The following SNTG2 variants were observed in gnomAD, a reference collection of about 807,000 sequenced individuals.
SNTG2 encodes the protein syntrophin gamma 2, also known as gamma-2-syntrophin.
A neutral mutation model predicts 70.9 loss-of-function variants in SNTG2; 74 were observed. That is an observed-to-expected ratio of 1.04 (90% confidence interval 0.86 to 1.27). The LOEUF (loss-of-function observed/expected upper bound fraction) is 1.27, where lower values mean the gene tolerates loss of function less well. SNTG2 is among the 50% of genes most tolerant of loss of function. The pLI, the probability that SNTG2 is intolerant of heterozygous loss-of-function variation, is 0.00. For missense variants in SNTG2, 717 were observed against 690.7 expected, an observed-to-expected ratio of 1.04 and a Z score of -0.43; for synonymous variants, 278 against 273.8, an observed-to-expected ratio of 1.02 and a Z score of -0.15.
intron 9 of SNTG2, among the ~76,000 whole-genome samples, chr2:1,221,442 TG>T (rs1674814549): frequency 7.0e-6 from 1 of 142,464 alleles, no homozygotes; most frequent in Non-Finnish European, 1.5e-5. Context: ...TCTCTGTCTC[TG>T]TCTCTGTCTC....
intron 1 of SNTG2, among the ~76,000 whole-genome samples, chr2:990,651 A>C (rs1427742038): frequency 6.6e-6 from 1 of 152,248 alleles, no homozygotes; most frequent in Non-Finnish European, 1.5e-5. Flanking sequence ...TATTCAGTCC[A>C]TAACAACACT....
chr2:1,230,985 G>A (rs935329648), intron 9 of SNTG2, among the ~76,000 whole-genome samples: 20 of 151,994 alleles, frequency 1.3e-4, no homozygotes, highest in African/African-American at 4.8e-4. Flanking sequence ...GGATCACTGC[G>A]AGAGGGAAAT....
At position 1,127,988 on chromosome 2, in the gene SNTG2, T is replaced by A. The variant is rs549127284; in HGVS notation, c.326-9634T>A. On this transcript the variant is annotated intron_variant, in intron 4 of 16. Coordinates refer to ENST00000308624, the MANE Select transcript of SNTG2 (RefSeq NM_018968.4). ...GTGCTCTAGCTAGGACTTCCAGTAC[T>A]ATGTTGAGTAAGAGTGGTGAGAGTG... is the stretch of plus-strand genomic sequence containing the variant. Among the ~76,000 whole-genome samples the A allele has an allele frequency of 1.3e-4, 20 of 152,290 alleles. No individual in the cohort carries two copies. The South Asian group carries it at 2.9e-3, about 22-fold the overall frequency.
intron 1 of SNTG2, chr2:1,068,226 A>C (rs144627535): frequency 6.6e-6 from 1 of 152,172 alleles, no homozygotes. Context: ...AGATCCTCAC[A>C]TAGCAGGGCG....
At chr2:1,088,567 T>A (rs1664825034) in intron 2 of SNTG2, among the ~76,000 whole-genome samples, 1 of 152,226 alleles carries the variant, frequency 6.6e-6, no homozygotes, top group African/African-American at 2.4e-5. Flanking sequence ...AAGAATTGGC[T>A]ACTGTTCCTA....
intron 16 of SNTG2, among the ~76,000 whole-genome samples, chr2:1,330,104 A>G (rs1025513806): frequency 5.9e-5 from 9 of 152,216 alleles, no homozygotes; most frequent in Non-Finnish European, 1.2e-4. Flanking sequence ...CTGTTCCGCC[A>G]TCAGGCTAGT....
intron 4 of SNTG2, among the ~76,000 whole-genome samples, chr2:1,115,904 C>T (rs754190851): frequency 2.0e-5 from 3 of 152,346 alleles, no homozygotes; most frequent in African/African-American, 4.8e-5. Flanking sequence ...AATGTTCAAG[C>T]CCCATTCTGC....
intron 1 of SNTG2, among the ~76,000 whole-genome samples, chr2:1,026,665 T>TG (rs1488392544): frequency 1.3e-5 from 2 of 152,148 alleles, no homozygotes; most frequent in East Asian, 3.9e-4. Flanking sequence ...GCCTTGTGCA[T>TG]GGAATGGAGC....
intron 16 of SNTG2, among the ~76,000 whole-genome samples, chr2:1,351,946 C>T (rs980681317): frequency 2.6e-5 from 4 of 152,282 alleles, no homozygotes; most frequent in South Asian, 2.1e-4. Flanking sequence ...CAGTCTTTCC[C>T]TCATGTCTCA....
intron 16 of SNTG2, among the ~76,000 whole-genome samples, chr2:1,333,553 A>G (rs921487331): frequency 1.3e-5 from 2 of 152,206 alleles, no homozygotes; most frequent in Non-Finnish European, 2.9e-5. Context: ...ATAGAAGGCT[A>G]TAGTCACCAA....
At position 1,297,075 on chromosome 2, in the gene SNTG2, C is replaced by A. The variant is rs372608484; in HGVS notation, c.1285-11419C>A. On this transcript the variant is annotated intron_variant, in intron 14 of 16. Transcript: ENST00000308624. ...GGCATGTCCTTTATTTTCCTCCATA[C>A]TTCCCTGAAGGAAGTAGCAGAAGTT... Among the ~76,000 whole-genome samples the A allele has an allele frequency of 5.9e-5, 9 of 152,130 alleles. 1 individual carries two copies. The highest frequency in any genetic ancestry group is 1.9e-4 in the African/African-American group (8 of 41,382).
rs1035248562 is a variant in SNTG2 at position 1,367,527 on chromosome 2, T to A, written c.*53T>A. 145 of 1,539,078 alleles carry A rather than the reference T, an allele frequency of 9.4e-5. No individual in the cohort carries two copies. The highest frequency in any genetic ancestry group is 1.2e-4 in the Non-Finnish European group (136 of 1,139,646). On this transcript the variant is annotated 3_prime_UTR_variant, in exon 17 of 17. Coordinates refer to ENST00000308624, the MANE Select transcript of SNTG2 (RefSeq NM_018968.4). ...TTAAATTATTTTCGTAAGAAATGAT[T>A]CTTTCCTGCAGAATATTGCAACTTT...
At chr2:1,127,544 G>T (rs1667776135) in intron 4 of SNTG2, among the ~76,000 whole-genome samples, 1 of 152,036 alleles carries the variant, frequency 6.6e-6, no homozygotes, top group South Asian at 2.1e-4. Context: ...TCGCTTTGGG[G>T]AGTATGTTCA....
chr2:1,285,946 G>T (rs781168495), intron 14 of SNTG2, among the ~76,000 whole-genome samples: 1 of 152,140 alleles, frequency 6.6e-6, no homozygotes, highest in Non-Finnish European at 1.5e-5. Context: ...CATTCCTTGC[G>T]TACTCTTCCT....
At chr2:1,120,685 ATAAT>A (rs1376286490) in intron 4 of SNTG2, among the ~76,000 whole-genome samples, 1 of 152,202 alleles carries the variant, frequency 6.6e-6, no homozygotes, top group African/African-American at 2.4e-5. Flanking sequence ...TGAAAAGGGG[ATAAT>A]TTATCAGGAG....
At chr2:1,073,661 G>A (rs111726030) in intron 1 of SNTG2, among the ~76,000 whole-genome samples, 107 of 152,268 alleles carry the variant, frequency 7.0e-4, no homozygotes, top group African/African-American at 2.3e-3. Flanking sequence ...ACACTACATA[G>A]GAAAGTAGTC....
intron 9 of SNTG2, among the ~76,000 whole-genome samples, chr2:1,216,396 G>A (rs971435054): frequency 1.3e-5 from 2 of 152,216 alleles, no homozygotes; most frequent in Non-Finnish European, 2.9e-5. Context: ...ACTTTTTGAT[G>A]GGGTTGTTTG....
At chr2:1,149,656 G>A (rs536038018) in intron 6 of SNTG2, among the ~76,000 whole-genome samples, 1 of 150,548 alleles carries the variant, frequency 6.6e-6, no homozygotes, top group East Asian at 2.0e-4. Flanking sequence ...TCAACAGATT[G>A]ATGAAGTTGA....
intron 12 of SNTG2, among the ~76,000 whole-genome samples, chr2:1,250,408 T>C (rs1470175236): frequency 6.6e-6 from 1 of 152,124 alleles, no homozygotes; most frequent in African/African-American, 2.4e-5. Flanking sequence ...TCTCTATTTA[T>C]ATCTCTTTCT....
Sources: gnomAD v4.1 joint callset for allele counts (sites outside exome capture counted in the v4.1 genomes callset) on GRCh38, gnomAD v4.1.1 for gene constraint, MANE v1.5 for transcripts, NCBI Gene and HGNC (gene_info 2026-07-23, HGNC 2026-07-21) for gene names.